Variants in ORC5 observed in about 807,000 individuals in gnomAD.
The protein encoded by ORC5 is origin recognition complex subunit 5.
In ORC5, 39 loss-of-function variants were observed where a neutral mutation model predicts 58.8. The ratio of observed to expected loss-of-function variants is 0.66; its 90% confidence interval spans 0.51 to 0.87. The LOEUF (loss-of-function observed/expected upper bound fraction) is 0.87, where lower values mean the gene tolerates loss of function less well. Among genes scored for constraint, ORC5 ranks in the 40% least tolerant of loss-of-function variants. The pLI is 0.00. For missense variants in ORC5, 493 were observed against 506.3 expected (o/e 0.97, Z 0.25); for synonymous variants, 218 against 177.6 (o/e 1.23, Z -1.81).
intron 12 of ORC5, among the ~76,000 whole-genome samples, chr7:104,151,822 C>A (rs1006294465): frequency 1.3e-5 from 2 of 152,188 alleles, no homozygotes; most frequent in Admixed American, 1.3e-4. Context: ...CTGGGTAAAT[C>A]TAGTTCCCTT....
At chr7:104,159,479 AT>A (rs1219505906) in intron 12 of ORC5, among the ~76,000 whole-genome samples, 4 of 150,624 alleles carry the variant, frequency 2.7e-5, no homozygotes, top group Non-Finnish European at 3.0e-5. Flanking sequence ...AAGTATAATA[AT>A]AATAAAATAA....
At chr7:104,163,545 A>G (rs147632025) in intron 11 of ORC5, among the ~76,000 whole-genome samples, 6,784 of 152,202 alleles carry the variant, frequency 0.045, 500 homozygotes, top group African/African-American at 0.15. Flanking sequence ...GGAGTGTAGT[A>G]GCGTGATCTC....
intron 8 of ORC5, among the ~76,000 whole-genome samples, chr7:104,172,756 C>T (rs1038578686): frequency 1.3e-5 from 2 of 152,146 alleles, no homozygotes; most frequent in Non-Finnish European, 2.9e-5. Context: ...AGTTCACATA[C>T]GGCAGACAAT....
chr7:104,136,028 G>A lies in ORC5; in HGVS notation c.1262+753C>T, dbSNP rs1440869597. 6.6e-6 allele frequency among the ~76,000 whole-genome samples: 1 copy of A among 152,060 alleles called. No homozygotes were observed. Among genetic ancestry groups the A allele is most frequent in the Non-Finnish European group, 1.5e-5 (1 of 68,016 alleles). On this transcript the variant is annotated intron_variant, in intron 13 of 13. Transcript: ENST00000297431. The surrounding 1 kb of genome is among the most constrained non-coding windows in gnomAD (Gnocchi z 4.2). ...GTTTGAACATTTTCCATAACACTAA[G>A]AACACCTCTTTGTAAGGAAACTTGT...
At chr7:104,143,927 T>G (rs534412982) in intron 12 of ORC5, among the ~76,000 whole-genome samples, 4 of 152,212 alleles carry the variant, frequency 2.6e-5, no homozygotes, top group South Asian at 2.1e-4. Flanking sequence ...CAGATCAGCC[T>G]GGCCAACATG....
At chr7:104,128,682 C>T (rs542897039) in intron 13 of ORC5, among the ~76,000 whole-genome samples, 3 of 126,930 alleles carry the variant, frequency 2.4e-5, no homozygotes, top group Admixed American at 8.0e-5. Flanking sequence ...CCCTCCCCCC[C>T]ACCCCACAAC....
At chr7:104,163,828 C>T (rs1474866017) in intron 11 of ORC5, among the ~76,000 whole-genome samples, 1 of 152,198 alleles carries the variant, frequency 6.6e-6, no homozygotes, top group South Asian at 2.1e-4. Flanking sequence ...CTAGTCTATC[C>T]TAATATTAAC....
At chr7:104,167,761 A>T (rs1030397081) in intron 9 of ORC5, among the ~76,000 whole-genome samples, 19 of 152,196 alleles carry the variant, frequency 1.2e-4, no homozygotes, top group African/African-American at 4.1e-4. Context: ...CAAGTGAAAA[A>T]TTGAGCTGGG....
chr7:104,128,894 A>C (rs1798470624), intron 13 of ORC5, among the ~76,000 whole-genome samples: 1 of 151,662 alleles, frequency 6.6e-6, no homozygotes, highest in South Asian at 2.1e-4. Flanking sequence ...TTGTGTTGCT[A>C]ATTTTTTTTT....
rs1799492790 is a variant in ORC5, at chr7:104,184,149, T to C, written c.707A>G (p.Tyr236Cys). ...TTCTCCTTTAACCACGGGTTCACAA[T>C]ATTTAGGAAAATTAAGTACTGCCTG... is the stretch of plus-strand genomic sequence containing the variant. ...RHLAVLNFPK[Y>C]CEPVVKGEAS... The change falls in exon 7 of 14, where the codon TAT becomes TGT. Residue 236 changes from tyrosine to cysteine, a missense_variant. Tyr to Cys is a radical substitution (Grantham distance 194, BLOSUM62 -2). Around this residue, in one of 3 missense-constraint regions of ORC5, gnomAD observed 412 missense variants for 403.7 expected, o/e 1.02. Coordinates refer to ENST00000297431, the MANE Select transcript of ORC5 (RefSeq NM_002553.4). The C allele has an allele frequency of 6.3e-7, 1 of 1,580,112 alleles. No individual in the cohort carries two copies. Among genetic ancestry groups the C allele is most frequent in the Non-Finnish European group, 8.6e-7 (1 of 1,158,332 alleles).
intron 1 of ORC5, among the ~76,000 whole-genome samples, 200 bp downstream of exon 1, chr7:104,207,633 G>C (rs1337456497): frequency 6.6e-6 from 1 of 152,184 alleles, no homozygotes; most frequent in African/African-American, 2.4e-5. Flanking sequence ...GTGCAGGCCG[G>C]TCGCTCTCAG....
intron 8 of ORC5, among the ~76,000 whole-genome samples, chr7:104,178,475 G>C (rs991058416): frequency 2.6e-5 from 4 of 151,958 alleles, no homozygotes; most frequent in African/African-American, 9.7e-5. Flanking sequence ...TTGCCAGATG[G>C]GTAGCTTGCA....
At chr7:104,190,731 C>T (rs1188297224) in intron 5 of ORC5, among the ~76,000 whole-genome samples, 1 of 152,026 alleles carries the variant, frequency 6.6e-6, no homozygotes, top group Admixed American at 6.6e-5. Flanking sequence ...CATATGACTA[C>T]AACTTTAAAC....
intron 12 of ORC5, among the ~76,000 whole-genome samples, chr7:104,158,522 C>G (rs1489022735): frequency 6.6e-6 from 1 of 151,720 alleles, no homozygotes; most frequent in Non-Finnish European, 1.5e-5. Flanking sequence ...AACAAACTAC[C>G]ATCAGAGTGA....
chr7:104,149,642 A>AT (rs1051510926), intron 12 of ORC5, among the ~76,000 whole-genome samples: 7 of 152,090 alleles, frequency 4.6e-5, no homozygotes, highest in African/African-American at 1.2e-4. Context: ...AAAAATTGTT[A>AT]TTTTTTTGTC....
rs536278627 is a variant in ORC5 at position 104,197,872 on chromosome 7, A to C, written c.367-73T>G. 16 of 922,920 alleles carry C rather than the reference A, an allele frequency of 1.7e-5. No homozygotes were observed. The East Asian group carries it at 3.9e-4, about 23-fold the overall frequency. 57.2% of individuals were successfully genotyped at this position (922,920 alleles called of 1,614,324 possible). The stretch of plus-strand genomic sequence containing the variant: ...CTTTACAAAATGACATGATTTGACT[A>C]TGTCCCCCAAAGTTCATGTGTTGGA... On this transcript the variant is annotated intron_variant, in intron 3 of 13. Transcript: ENST00000297431.
chr7:104,146,656 G>A (rs1798757255), intron 12 of ORC5, among the ~76,000 whole-genome samples: 1 of 152,180 alleles, frequency 6.6e-6, no homozygotes, highest in African/African-American at 2.4e-5. Context: ...GGAAGGGGAG[G>A]AAGAGAGGAA....
At position 104,156,301 on chromosome 7, in the gene ORC5, A is replaced by T. The variant is rs368604459; in HGVS notation, c.1149+4771T>A. 5.8e-4 allele frequency among the ~76,000 whole-genome samples: 88 copies of T among 151,956 alleles called. 2 individuals carry two copies. The South Asian group carries it at 0.018, about 31-fold the overall frequency. ...TTAAGTTCAATAAATCTGAACATTAACATAAAATGTTAAATGTGCTACTAT... is the reference window on the plus strand; with the variant it reads ...TTAAGTTCAATAAATCTGAACATTATCATAAAATGTTAAATGTGCTACTAT... On this transcript the variant is annotated intron_variant, in intron 12 of 13. Transcript: ENST00000297431.
chr7:104,200,432 T>C (rs145264347), intron 3 of ORC5, among the ~76,000 whole-genome samples: 1 of 152,312 alleles, frequency 6.6e-6, no homozygotes, highest in East Asian at 1.9e-4. Flanking sequence ...TCTACTTCAA[T>C]TTCTTCCTAG....
Sources: gnomAD v4.1 joint callset for allele counts (sites outside exome capture counted in the v4.1 genomes callset) on GRCh38, gnomAD v4.1.1 for gene constraint, gnomAD v4.1.1 regional missense constraint, Gnocchi (gnomAD v3.1) non-coding constraint, MANE v1.5 for transcripts, NCBI Gene and HGNC (gene_info 2026-07-23, HGNC 2026-07-21) for gene names.